Variants in TMEM132B observed in about 807,000 individuals in gnomAD.
TMEM132B encodes the protein transmembrane protein 132B.
A neutral mutation model predicts 90.8 loss-of-function variants in TMEM132B; 18 were observed. The observed-to-expected ratio is 0.20, with a 90% CI of 0.14 to 0.29. The LOEUF is 0.29. TMEM132B is among the 10% of genes least tolerant of loss of function. The probability of loss-of-function intolerance (pLI) is 1.00; values close to 1 mark genes in which losing one functional copy is unlikely to be tolerated. For missense variants in TMEM132B, 1,096 were observed against 1,326.8 expected, an observed-to-expected ratio of 0.83 and a Z score of 2.70; for synonymous variants, 504 against 523.3, an observed-to-expected ratio of 0.96 and a Z score of 0.50.
chr12:125,424,669 T>G (rs916738591), intron 3 of TMEM132B, among the ~76,000 whole-genome samples: 3 of 152,210 alleles, frequency 2.0e-5, no homozygotes, highest in Non-Finnish European at 4.4e-5. Context: ...AATCCATCCA[T>G]CAGCCTGAGC....
At chr12:125,325,620 TTA>T (rs1876538757) in intron 1 of TMEM132B, among the ~76,000 whole-genome samples, 1 of 152,114 alleles carries the variant, frequency 6.6e-6, no homozygotes, top group Admixed American at 6.6e-5. Context: ...TGGCTCATTT[TTA>T]TGTTAAGAAG....
At chr12:125,335,533 G>A (rs779516205) in intron 1 of TMEM132B, among the ~76,000 whole-genome samples, 14 of 152,354 alleles carry the variant, frequency 9.2e-5, no homozygotes, top group African/African-American at 3.4e-4. Context: ...GGTTTCTCCT[G>A]TAATTTTGAC....
At position 125,484,631 on chromosome 12, in the gene TMEM132B, G is replaced by C. The variant is rs139385199; in HGVS notation, c.1107-34808G>C. Among the ~76,000 whole-genome samples, 11 of 152,026 alleles carry C rather than the reference G, an allele frequency of 7.2e-5. No individual in the cohort carries two copies. The East Asian group carries it at 2.1e-3, about 29-fold the overall frequency. The stretch of plus-strand genomic sequence containing the variant: ...CTCTATGTTGTTTCTGAAACTCATT[G>C]TTATTATTATTATTATTGTGACAGG... On this transcript the variant is annotated intron_variant, in intron 3 of 8. Coordinates refer to ENST00000682704, the MANE Select transcript of TMEM132B (RefSeq NM_001366854.1).
chr12:125,285,338 TAGAGTC>T (rs1385935666), intron 1 of TMEM132B, among the ~76,000 whole-genome samples: 1 of 152,136 alleles, frequency 6.6e-6, no homozygotes, highest in Non-Finnish European at 1.5e-5. Context: ...CAATGGTAGA[TAGAGTC>T]AGAGGCAAAG....
chr12:125,365,582 G>A (rs1233509953), intron 2 of TMEM132B, among the ~76,000 whole-genome samples: 1 of 151,946 alleles, frequency 6.6e-6, no homozygotes, highest in African/African-American at 2.4e-5. Context: ...ATTTTTTGAA[G>A]TACATATTTA....
chr12:125,572,058 G>T (rs888008919), intron 4 of TMEM132B, among the ~76,000 whole-genome samples: 1 of 152,200 alleles, frequency 6.6e-6, no homozygotes, highest in Non-Finnish European at 1.5e-5. Flanking sequence ...GACAAAATGT[G>T]CCATATTGGG....
chr12:125,652,382 A>C, intron 7 of TMEM132B, 59 bp from the exon 8 acceptor site: 2 of 1,469,176 alleles, frequency 1.4e-6, no homozygotes, highest in Admixed American at 4.6e-5. Context: ...GCCCCAGTTA[A>C]GGGATTCATG....
chr12:125,542,327 T>G (rs183761079), intron 4 of TMEM132B, among the ~76,000 whole-genome samples: 2 of 152,268 alleles, frequency 1.3e-5, no homozygotes, highest in Non-Finnish European at 2.9e-5. Flanking sequence ...TTTCCTGAAG[T>G]TTTTACTGTG....
intron 1 of TMEM132B, among the ~76,000 whole-genome samples, chr12:125,319,312 T>A (rs1430652247): frequency 1.3e-5 from 2 of 152,164 alleles, no homozygotes; most frequent in Non-Finnish European, 2.9e-5. Flanking sequence ...AGTCATTCCA[T>A]CCACACAGTG....
chr12:125,350,461 G>T, intron 2 of TMEM132B, 118 bp downstream of exon 2: 1 of 1,228,834 alleles, frequency 8.1e-7, no homozygotes, highest in Non-Finnish European at 1.1e-6. Context: ...GAATACAGCT[G>T]GTCATTAAAG....
At chr12:125,396,984 T>C (rs1879186272) in intron 2 of TMEM132B, among the ~76,000 whole-genome samples, 1 of 151,258 alleles carries the variant, frequency 6.6e-6, no homozygotes, top group African/African-American at 2.4e-5. Context: ...ATTCTTTTTT[T>C]TTTTTGAGAC....
chr12:125,415,992 G>A lies in TMEM132B; in HGVS notation c.1106+315G>A, dbSNP rs1454757139. Among the ~76,000 whole-genome samples, 2 of 152,206 alleles carry A rather than the reference G, an allele frequency of 1.3e-5. No homozygotes were observed. Among genetic ancestry groups the A allele is most frequent in the African/African-American group, 4.8e-5 (2 of 41,438 alleles). ...AAATATACTTAGTAATGAGCAAACC[G>A]AGGGTAGCTTTAGCTATTGGACATT... On this transcript the variant is annotated intron_variant, in intron 3 of 8. Transcript: ENST00000682704. The surrounding 1 kb of genome is among the most constrained non-coding windows in gnomAD (Gnocchi z 5.3).
At position 125,658,695 on chromosome 12, in the gene TMEM132B, A is replaced by G. The variant is rs1318992919; in HGVS notation, c.*3985A>G. Reference sequence around the variant, plus strand: ...TGTAATATAGGCAATATAATGAAACACCGAGTTTTTTAAAGTGAAAGCATG... The same window carrying G: ...TGTAATATAGGCAATATAATGAAACGCCGAGTTTTTTAAAGTGAAAGCATG... On this transcript the variant is annotated 3_prime_UTR_variant, in exon 9 of 9. Transcript: ENST00000682704. The G allele has an allele frequency of 6.6e-6, 1 of 152,232 alleles. No homozygotes were observed. Among genetic ancestry groups the G allele is most frequent in the East Asian group, 1.9e-4 (1 of 5,202 alleles). 9.4% of individuals were successfully genotyped at this position (152,232 alleles called of 1,614,324 possible).
chr12:125,570,958 C>T (rs73416347), intron 4 of TMEM132B, among the ~76,000 whole-genome samples: 1,538 of 152,264 alleles, frequency 0.01, 19 homozygotes, highest in African/African-American at 0.034. Context: ...GGAAGTCACA[C>T]GTGGTTGTGA....
At chr12:125,198,213 G>T (rs1203557252) in intron 1 of TMEM132B, among the ~76,000 whole-genome samples, 1 of 152,204 alleles carries the variant, frequency 6.6e-6, no homozygotes, top group East Asian at 1.9e-4. Context: ...CAATGCAAGG[G>T]TATGTCACTA....
chr12:125,418,360 GT>G (rs1880079784), intron 3 of TMEM132B, among the ~76,000 whole-genome samples: 4 of 152,116 alleles, frequency 2.6e-5, no homozygotes. Context: ...AGGAGAAAAA[GT>G]GTCCTCTTTC....
intron 3 of TMEM132B, among the ~76,000 whole-genome samples, chr12:125,425,740 A>G (rs1336019718): frequency 6.6e-6 from 1 of 152,202 alleles, no homozygotes; most frequent in Non-Finnish European, 1.5e-5. Flanking sequence ...ACTTGGCAAT[A>G]TGCATTTCAG....
chr12:125,193,117 C>T (rs1028778454), intron 1 of TMEM132B, among the ~76,000 whole-genome samples: 1 of 152,260 alleles, frequency 6.6e-6, no homozygotes, highest in Admixed American at 6.5e-5. Context: ...ACACATGCAA[C>T]CATCACAGCT....
intron 3 of TMEM132B, among the ~76,000 whole-genome samples, chr12:125,515,881 C>T (rs1253585456): frequency 6.8e-6 from 1 of 146,022 alleles, no homozygotes; most frequent in Non-Finnish European, 1.5e-5. Flanking sequence ...CACTCATAGA[C>T]ATTCTCACGC....
Sources: allele counts gnomAD v4.1 joint callset (sites outside exome capture counted in the v4.1 genomes callset), GRCh38; gene constraint gnomAD v4.1.1; non-coding constraint Gnocchi (gnomAD v3.1); transcripts MANE v1.5; gene names NCBI Gene and HGNC (gene_info 2026-07-23, HGNC 2026-07-21).